The following FAM13C variants were observed in gnomAD, a reference collection of about 807,000 sequenced individuals.
FAM13C encodes family with sequence similarity 13 member C.
Under a neutral mutation model 73.2 loss-of-function variants are expected in FAM13C, and 37 were observed. The ratio of observed to expected loss-of-function variants is 0.51; its 90% CI spans 0.39 to 0.67. The LOEUF is 0.67. Ranked by LOEUF, FAM13C falls within the 30% of genes least tolerant of loss-of-function variation. The pLI is 0.00. For synonymous variants in FAM13C, 246 were observed against 260.9 expected, an observed-to-expected ratio of 0.94 and a Z score of 0.55; for missense variants, 589 against 715.6, an observed-to-expected ratio of 0.82 and a Z score of 2.02.
At chr10:59,256,418 A>G (rs1389193088) in intron 10 of FAM13C, among the ~76,000 whole-genome samples, 1 of 152,238 alleles carries the variant, frequency 6.6e-6, no homozygotes, top group Non-Finnish European at 1.5e-5. Flanking sequence ...TGACCAAAAC[A>G]CACATTAGAA....
chr10:59,296,334 C>T (rs141254347), intron 5 of FAM13C, among the ~76,000 whole-genome samples: 92 of 152,292 alleles, frequency 6.0e-4, no homozygotes, highest in Admixed American at 2.7e-3. Flanking sequence ...AGGGACACTG[C>T]ATGTGTGCAA....
chr10:59,283,769 C>T (rs939516607), intron 5 of FAM13C: 11 of 518,638 alleles, frequency 2.1e-5, no homozygotes, highest in African/African-American at 7.5e-5. Flanking sequence ...CAGCAAGAGA[C>T]GCTGCATCTG....
intron 3 of FAM13C, among the ~76,000 whole-genome samples, chr10:59,338,354 C>T (rs1280719317): frequency 6.6e-6 from 1 of 152,088 alleles, no homozygotes; most frequent in Non-Finnish European, 1.5e-5. Flanking sequence ...TCCACAACTA[C>T]AGAAGTCCAT....
At chr10:59,264,524 C>A (rs1842830892) in intron 8 of FAM13C, among the ~76,000 whole-genome samples, 1 of 152,180 alleles carries the variant, frequency 6.6e-6, no homozygotes. Flanking sequence ...CCCATATATA[C>A]CCCATTGCCA....
At chr10:59,330,353 C>T (rs1303366039) in intron 3 of FAM13C, among the ~76,000 whole-genome samples, 3 of 152,140 alleles carry the variant, frequency 2.0e-5, no homozygotes, top group Non-Finnish European at 2.9e-5. Context: ...TGAGAAATAT[C>T]CCATGCAAGT....
At chr10:59,337,287 T>C (rs1229240336) in intron 3 of FAM13C, among the ~76,000 whole-genome samples, 1 of 152,246 alleles carries the variant, frequency 6.6e-6, no homozygotes, top group African/African-American at 2.4e-5. Flanking sequence ...CTATAGGGCT[T>C]GGAGACCCTT....
intron 10 of FAM13C, among the ~76,000 whole-genome samples, chr10:59,257,204 G>T (rs985009228): frequency 6.6e-6 from 1 of 152,186 alleles, no homozygotes; most frequent in African/African-American, 2.4e-5. Context: ...AATTTGATAT[G>T]ATTTGTTTAT....
chr10:59,305,203 T>C (rs974683682), intron 4 of FAM13C, among the ~76,000 whole-genome samples: 3 of 152,160 alleles, frequency 2.0e-5, no homozygotes, highest in Non-Finnish European at 4.4e-5. Context: ...TTAAAGCATA[T>C]CTACTCAAAG....
In FAM13C at chr10:59,247,548, G is replaced by A. The variant is rs1840822442; in HGVS notation, c.*66C>T. On this transcript the variant is annotated 3_prime_UTR_variant, in exon 14 of 14. Transcript: ENST00000618804. ...CATTGTGTCAAAACTACTTAGCAAGGATGGCAGAGGAAAATAAACTTTACT... is the reference window on the plus strand; with the variant it reads ...CATTGTGTCAAAACTACTTAGCAAGAATGGCAGAGGAAAATAAACTTTACT... 6.9e-6 allele frequency: 11 copies of A among 1,596,246 alleles called. No individual in the cohort carries two copies. Among genetic ancestry groups the A allele is most frequent in the Non-Finnish European group, 8.6e-6 (10 of 1,168,268 alleles).
chr10:59,307,990 C>T (rs191526244), intron 4 of FAM13C, among the ~76,000 whole-genome samples: 9 of 152,278 alleles, frequency 5.9e-5, no homozygotes, highest in East Asian at 1.9e-4. Flanking sequence ...AGATCCTTAA[C>T]GATACTGCTT....
intron 4 of FAM13C, among the ~76,000 whole-genome samples, chr10:59,309,989 C>T (rs1324798314): frequency 2.0e-5 from 3 of 152,212 alleles, no homozygotes; most frequent in Non-Finnish European, 4.4e-5. Flanking sequence ...GAATGACTCT[C>T]ATTCCCATAA....
chr10:59,337,105 T>C (rs1589669600), intron 3 of FAM13C, among the ~76,000 whole-genome samples: 1 of 152,256 alleles, frequency 6.6e-6, no homozygotes, highest in Non-Finnish European at 1.5e-5. Flanking sequence ...CTTTTCCATA[T>C]AGCCCTCTTT....
At chr10:59,298,479 A>G (rs550917445) in intron 5 of FAM13C, among the ~76,000 whole-genome samples, 2 of 152,186 alleles carry the variant, frequency 1.3e-5, no homozygotes, top group African/African-American at 4.8e-5. Context: ...TGAGGTGATA[A>G]CTTCCTTCTG....
At position 59,362,386 on chromosome 10, in the gene FAM13C, A is replaced by G. The variant is rs1206518851; in HGVS notation, c.62+13T>C. ...GGCATGCAAGTCTAATTTTAATGGT[A>G]AGAATCACTTACTCTGTTACAGTGG... On this transcript the variant is annotated intron_variant, in intron 1 of 13. Coordinates refer to ENST00000618804, the MANE Select transcript of FAM13C (RefSeq NM_198215.4). The G allele has an allele frequency of 1.2e-6, 2 of 1,613,392 alleles. No homozygotes were observed. The highest frequency in any genetic ancestry group is 1.7e-6 in the Non-Finnish European group (2 of 1,179,796).
At chr10:59,253,103 TAG>T in intron 11 of FAM13C, 105 bp from the exon 12 acceptor site, 1 of 1,130,062 alleles carries the variant, frequency 8.8e-7, no homozygotes, top group Non-Finnish European at 1.3e-6. Flanking sequence ...TGAAAACCAG[TAG>T]GTGACCCATG....
rs149050515 is a variant in FAM13C at position 59,319,546 on chromosome 10, A to G, written c.443+4442T>C. On this transcript the variant is annotated intron_variant, in intron 4 of 13. Coordinates refer to ENST00000618804, the MANE Select transcript of FAM13C (RefSeq NM_198215.4). ...CCCAACTGCATTAATATTCTCTTAC[A>G]TTCATAAATTTCCCTTTGTCATATC... Among the ~76,000 whole-genome samples the G allele has an allele frequency of 1.6e-3, 250 of 152,344 alleles. 2 individuals are homozygous for G. Among genetic ancestry groups the G allele is most frequent in the African/African-American group, 5.5e-3 (229 of 41,592 alleles).
Position 59,307,820 on chromosome 10 carries a change from T to A in FAM13C, c.444-4956A>T, listed in dbSNP as rs116876503. Among the ~76,000 whole-genome samples the A allele has an allele frequency of 3.3e-4, 50 of 151,840 alleles. No homozygotes were observed. The East Asian group carries it at 8.3e-3, about 25-fold the overall frequency. ...ACAAAGTGTCAAAGTCTCCTAGAGA[T>A]CATGAGAAACAGAAGGCGAGAAAAG... On this transcript the variant is annotated intron_variant, in intron 4 of 13. Transcript: ENST00000618804.
In FAM13C at chr10:59,332,186, T is replaced by C. The variant is rs1030716179; in HGVS notation, c.325-8080A>G. 1.2e-4 allele frequency among the ~76,000 whole-genome samples: 18 copies of C among 152,114 alleles called. No homozygotes were observed. In the East Asian group the frequency reaches 3.3e-3, roughly 28 times the overall value. ...CTCAAGCTGCAAAATAATGTATATATAGTAAGAACCCACAGAGAGAGGTGG... is the reference window on the plus strand; with the variant it reads ...CTCAAGCTGCAAAATAATGTATATACAGTAAGAACCCACAGAGAGAGGTGG... On this transcript the variant is annotated intron_variant, in intron 3 of 13. Transcript: ENST00000618804.
chr10:59,359,654 G>A (rs1274460265), intron 1 of FAM13C, among the ~76,000 whole-genome samples: 1 of 152,178 alleles, frequency 6.6e-6, no homozygotes. Flanking sequence ...TTTTAAAACA[G>A]ACTGCCTACC....
Sources: gnomAD v4.1 joint callset for allele counts (sites outside exome capture counted in the v4.1 genomes callset) on GRCh38, gnomAD v4.1.1 for gene constraint, MANE v1.5 for transcripts, NCBI Gene and HGNC (gene_info 2026-07-23, HGNC 2026-07-21) for gene names.